The following FANCC variants were observed in gnomAD, a reference collection of about 807,000 sequenced individuals.
FANCC encodes FA complementation group C.
In FANCC, 55 loss-of-function variants were observed where a neutral mutation model predicts 71.3. The ratio of observed to expected loss-of-function variants is 0.77; its 90% CI spans 0.62 to 0.97. The LOEUF is 0.97. FANCC is among the 50% of genes least tolerant of loss of function. FANCC has a pLI of 0.00. For missense variants in FANCC, 678 were observed against 670.9 expected (o/e 1.01, Z -0.12); for synonymous variants, 275 against 244.9 (o/e 1.12, Z -1.15).
chr9:95,153,335 A>G (rs1372065683), intron 6 of FANCC, among the ~76,000 whole-genome samples: 1 of 151,890 alleles, frequency 6.6e-6, no homozygotes, highest in Non-Finnish European at 1.5e-5. Context: ...TTTTTTTTAT[A>G]TAAAGACATC....
intron 1 of FANCC, among the ~76,000 whole-genome samples, chr9:95,252,694 G>A (rs1393119409): frequency 1.4e-5 from 2 of 146,744 alleles, no homozygotes; most frequent in African/African-American, 5.1e-5. Flanking sequence ...TAAGTGAGCC[G>A]AGATCACTCC....
chr9:95,117,345 G>A lies in FANCC; in HGVS notation c.1042C>T (p.Leu348Phe), dbSNP rs1357177737. 1 of 1,614,130 alleles carries A rather than the reference G, an allele frequency of 6.2e-7. No individual in the cohort carries two copies. The highest frequency in any genetic ancestry group is 1.1e-5 in the South Asian group (1 of 91,044). ...GGGTCTTGCAGCAGCACCATGGCAA[G>A]AGATGGAGAAGTGTAAGGAAAGTAG... is the stretch of plus-strand genomic sequence containing the variant. ...KTYFPYTSPS[L>F]AMVLLQDPQD... Residue 348 changes from leucine (L) to phenylalanine (F), a missense_variant, in exon 11 of 15, where the codon CTT becomes TTT. Coordinates refer to ENST00000289081, the MANE Select transcript of FANCC (RefSeq NM_000136.3).
At chr9:95,291,779 C>T (rs1834018385) in intron 1 of FANCC, among the ~76,000 whole-genome samples, 1 of 151,494 alleles carries the variant, frequency 6.6e-6, no homozygotes, top group South Asian at 2.1e-4. Flanking sequence ...GAAACCCCAT[C>T]TCTACTAAAA....
chr9:95,284,900 ACAC>A (rs1347396631), intron 1 of FANCC, among the ~76,000 whole-genome samples: 27 of 151,838 alleles, frequency 1.8e-4, no homozygotes, highest in South Asian at 1.0e-3. Context: ...ACACACACAC[ACAC>A]AAACATACGC....
At chr9:95,169,912 C>G (rs1282584225) in intron 6 of FANCC, among the ~76,000 whole-genome samples, 5 of 152,164 alleles carry the variant, frequency 3.3e-5, no homozygotes, top group African/African-American at 1.2e-4. Context: ...TTGCTCATTT[C>G]TATAACGGAG....
chr9:95,291,241 AAAG>A (rs1833978717), intron 1 of FANCC, among the ~76,000 whole-genome samples: 1 of 152,182 alleles, frequency 6.6e-6, no homozygotes, highest in Admixed American at 6.5e-5. Context: ...TAGGTAAGAG[AAAG>A]AAAGAAAGGG....
rs549245678 is a variant in FANCC, at chr9:95,317,609, T to C, written c.-162A>G. On this transcript the variant is annotated 5_prime_UTR_variant, in exon 1 of 15. Coordinates refer to ENST00000289081, the MANE Select transcript of FANCC (RefSeq NM_000136.3). ...CGCCCGGGATCTGTGGCTTGAAAAT[T>C]TGGCTTTGCCTCGTATTGGCTTTTT... is the stretch of plus-strand genomic sequence containing the variant. The C allele has an allele frequency of 2.0e-5, 3 of 152,372 alleles. No individual in the cohort carries two copies. Among genetic ancestry groups the C allele is most frequent in the Non-Finnish European group, 4.4e-5 (3 of 68,042 alleles). The allele number at this position is 152,372 out of a possible 1,614,324, so 9.4% of individuals were successfully genotyped here.
intron 1 of FANCC, chr9:95,293,345 G>A (rs1834172586): frequency 1.9e-6 from 3 of 1,602,662 alleles, no homozygotes; most frequent in African/African-American, 1.3e-5. Flanking sequence ...TCAGGGCTCT[G>A]CCACAGGGGC....
At chr9:95,125,008 A>G (rs367913622) in intron 10 of FANCC, 78 bp downstream of exon 10, 2 of 1,228,464 alleles carry the variant, frequency 1.6e-6, no homozygotes, top group African/African-American at 1.5e-5. Context: ...TATTGAAAAT[A>G]AAGTGCTCTT....
intron 1 of FANCC, chr9:95,317,114 G>A (rs991788421): frequency 1.3e-5 from 2 of 152,524 alleles, no homozygotes; most frequent in East Asian, 1.9e-4. Flanking sequence ...ACGAGTCCGA[G>A]GCAGAGAAAT....
chr9:95,169,416 T>C (rs888929248), intron 6 of FANCC, among the ~76,000 whole-genome samples: 6 of 152,202 alleles, frequency 3.9e-5, no homozygotes, highest in Non-Finnish European at 8.8e-5. Flanking sequence ...TGTCTTGAAA[T>C]ATATTCCCTA....
chr9:95,161,027 C>T (rs1358035904), intron 6 of FANCC, among the ~76,000 whole-genome samples: 1 of 152,066 alleles, frequency 6.6e-6, no homozygotes, highest in East Asian at 1.9e-4. Flanking sequence ...TTTTGGTGAC[C>T]CATGAATTCT....
At chr9:95,174,068 T>C (rs563640383) in intron 4 of FANCC, among the ~76,000 whole-genome samples, 34 of 152,312 alleles carry the variant, frequency 2.2e-4, no homozygotes, top group African/African-American at 8.2e-4. Flanking sequence ...TGTCTTAGTC[T>C]GTGCTGCTAT....
At chr9:95,290,750 A>C (rs1236783572) in intron 1 of FANCC, among the ~76,000 whole-genome samples, 1 of 152,248 alleles carries the variant, frequency 6.6e-6, no homozygotes, top group East Asian at 1.9e-4. Context: ...AACACTGCTA[A>C]GAATAGGAGG....
chr9:95,265,774 C>T (rs1832348777), intron 1 of FANCC, among the ~76,000 whole-genome samples: 1 of 152,138 alleles, frequency 6.6e-6, no homozygotes, highest in Non-Finnish European at 1.5e-5. Context: ...AACAAGGAAA[C>T]CCATACATTT....
At chr9:95,188,801 G>A (rs1826895623) in intron 4 of FANCC, among the ~76,000 whole-genome samples, 1 of 152,142 alleles carries the variant, frequency 6.6e-6, no homozygotes, top group Non-Finnish European at 1.5e-5. Flanking sequence ...TACCTGGACT[G>A]ACTCTTGGGG....
intron 1 of FANCC, among the ~76,000 whole-genome samples, chr9:95,299,796 G>C (rs1366975406): frequency 6.6e-6 from 1 of 152,178 alleles, no homozygotes; most frequent in African/African-American, 2.4e-5. Flanking sequence ...GGGAGGTCGA[G>C]GCCATAGTGA....
At chr9:95,160,525 C>T (rs1444896584) in intron 6 of FANCC, among the ~76,000 whole-genome samples, 1 of 152,064 alleles carries the variant, frequency 6.6e-6, no homozygotes, top group Non-Finnish European at 1.5e-5. Context: ...TTTTTTGGTT[C>T]CACATGAACT....
At chr9:95,102,874 C>A (rs1045534969) in intron 14 of FANCC, among the ~76,000 whole-genome samples, 1 of 152,206 alleles carries the variant, frequency 6.6e-6, no homozygotes, top group African/African-American at 2.4e-5. Context: ...CTCCTCGGCC[C>A]CCCCTGGCAG....
Sources: allele counts gnomAD v4.1 joint callset (sites outside exome capture counted in the v4.1 genomes callset), GRCh38; gene constraint gnomAD v4.1.1; transcripts MANE v1.5; gene names NCBI Gene and HGNC (gene_info 2026-07-23, HGNC 2026-07-21).